Variants in TBC1D5 observed in about 807,000 individuals in gnomAD.
The protein encoded by TBC1D5 is TBC1 domain family member 5.
A neutral mutation model predicts 100.3 loss-of-function variants in TBC1D5; 75 were observed. The ratio of observed to expected loss-of-function variants is 0.75; its 90% confidence interval spans 0.62 to 0.91. The LOEUF (loss-of-function observed/expected upper bound fraction) is 0.91, where lower values mean the gene tolerates loss of function less well. Among genes scored for constraint, TBC1D5 ranks in the 40% least tolerant of loss-of-function variants. The pLI is 0.00. For synonymous variants in TBC1D5, 323 were observed against 325.6 expected, an observed-to-expected ratio of 0.99 and a Z score of 0.09; for missense variants, 910 against 942.4, an observed-to-expected ratio of 0.97 and a Z score of 0.45.
At chr3:17,718,033 G>GT (rs2075379014) in intron 1 of TBC1D5, among the ~76,000 whole-genome samples, 1 of 152,020 alleles carries the variant, frequency 6.6e-6, no homozygotes, top group South Asian at 2.1e-4. Context: ...ACTGAAGTAC[G>GT]AAGTCAATAA....
intron 3 of TBC1D5, among the ~76,000 whole-genome samples, chr3:17,476,865 C>T (rs1242336544): frequency 6.6e-6 from 1 of 151,914 alleles, no homozygotes; most frequent in Non-Finnish European, 1.5e-5. Flanking sequence ...GTTATAAATG[C>T]TGTATCTTTA....
intron 15 of TBC1D5, among the ~76,000 whole-genome samples, chr3:17,291,148 T>C (rs914774079): frequency 6.6e-6 from 1 of 152,256 alleles, no homozygotes. Flanking sequence ...TACCATCCAA[T>C]GCCTGGCATT....
intron 19 of TBC1D5, among the ~76,000 whole-genome samples, chr3:17,169,472 A>C (rs1358961865): frequency 6.6e-6 from 1 of 152,230 alleles, no homozygotes; most frequent in Non-Finnish European, 1.5e-5. Flanking sequence ...AATAAGAATA[A>C]ATTCATAAAC....
chr3:17,664,611 G>A (rs1045382707), intron 1 of TBC1D5, among the ~76,000 whole-genome samples: 3 of 152,112 alleles, frequency 2.0e-5, no homozygotes, highest in African/African-American at 7.2e-5. Flanking sequence ...AGAGCGAGAC[G>A]AAGAGGACAA....
At chr3:17,296,474 A>G (rs2082269711) in intron 14 of TBC1D5, among the ~76,000 whole-genome samples, 1 of 152,224 alleles carries the variant, frequency 6.6e-6, no homozygotes, top group Admixed American at 6.5e-5. Context: ...TGACTTTCCT[A>G]AGTACAAATG....
At chr3:17,210,344 T>A (rs898156629) in intron 18 of TBC1D5, among the ~76,000 whole-genome samples, 1 of 151,850 alleles carries the variant, frequency 6.6e-6, no homozygotes, top group African/African-American at 2.4e-5. Context: ...CCCGCCACCA[T>A]GCCTGGCTAA....
chr3:17,454,362 T>C (rs1011626799), intron 3 of TBC1D5, among the ~76,000 whole-genome samples: 1 of 152,170 alleles, frequency 6.6e-6, no homozygotes, highest in African/African-American at 2.4e-5. Flanking sequence ...GATCTTATAT[T>C]TGGAAAAACG....
intron 19 of TBC1D5, chr3:17,184,572 G>C (rs1419178551): frequency 6.6e-6 from 1 of 151,912 alleles, no homozygotes; most frequent in Non-Finnish European, 1.5e-5. Context: ...CTGTCACCCA[G>C]GCTGGAATAT....
chr3:17,225,873 A>G (rs547867352), intron 17 of TBC1D5, among the ~76,000 whole-genome samples: 1 of 152,228 alleles, frequency 6.6e-6, no homozygotes, highest in African/African-American at 2.4e-5. Flanking sequence ...CCAGTATAAC[A>G]TAGCATTTAC....
At chr3:17,184,013 G>A (rs1471210259) in intron 19 of TBC1D5, among the ~76,000 whole-genome samples, 1 of 152,170 alleles carries the variant, frequency 6.6e-6, no homozygotes, top group Non-Finnish European at 1.5e-5. Context: ...TTATTCATAA[G>A]TTACCAATCT....
intron 1 of TBC1D5, among the ~76,000 whole-genome samples, chr3:17,673,698 T>C (rs1457137537): frequency 6.6e-6 from 1 of 152,176 alleles, no homozygotes. Flanking sequence ...ACAATATTCT[T>C]ACCTGAAACG....
intron 4 of TBC1D5, among the ~76,000 whole-genome samples, chr3:17,426,624 T>C (rs938629821): frequency 2.0e-5 from 3 of 152,074 alleles, no homozygotes; most frequent in Non-Finnish European, 4.4e-5. Context: ...AATATTTAGT[T>C]AACAACGTAA....
rs528733147 is a variant in TBC1D5, at chr3:17,555,155, T to C, written c.-35-46550A>G. On this transcript the variant is annotated intron_variant, in intron 2 of 21. Coordinates refer to ENST00000253692, the Ensembl canonical transcript of TBC1D5. ...TGAGCCATTGCGCCAGGCCTTGTGCTTTTTTTTTTCTAATGCAAGTTGACA... is the reference window on the plus strand; with the variant it reads ...TGAGCCATTGCGCCAGGCCTTGTGCCTTTTTTTTTCTAATGCAAGTTGACA... Among the ~76,000 whole-genome samples, 462 of 150,066 alleles carry C rather than the reference T, an allele frequency of 3.1e-3. 4 individuals carry two copies. The highest frequency in any genetic ancestry group is 0.011 in the African/African-American group (438 of 40,998).
rs1429075227 is a variant in TBC1D5 at position 17,430,558 on chromosome 3, AG to A, written c.98-2040del. Among the ~76,000 whole-genome samples, 7 of 152,028 alleles carry A rather than the reference AG, an allele frequency of 4.6e-5. No homozygotes were observed. The East Asian group carries it at 1.3e-3, about 29-fold the overall frequency. On this transcript the variant is annotated intron_variant, in intron 3 of 21. Transcript: ENST00000253692. ...TTCTTTCTCAAAAACATAGCAAATA[AG>A]GAGTACAATTGTTTCACTAACAATA...
rs540231369 is a variant in TBC1D5 at position 17,362,196 on chromosome 3, CATA to C, written c.995+9876_995+9878del. Among the ~76,000 whole-genome samples the C allele has an allele frequency of 1.4e-3, 217 of 152,216 alleles. 1 individual carries two copies. The highest frequency in any genetic ancestry group is 4.9e-3 in the African/African-American group (202 of 41,542). On this transcript the variant is annotated intron_variant, in intron 13 of 21. Transcript: ENST00000253692. ...ATATATAAAGCTATGAAACACAAAA[CATA>C]ATGTGTATGACTTGGATTGGGCAGA... is the stretch of plus-strand genomic sequence containing the variant.
intron 13 of TBC1D5, among the ~76,000 whole-genome samples, chr3:17,369,713 C>G (rs1054990872): frequency 1.3e-5 from 2 of 152,106 alleles, no homozygotes; most frequent in African/African-American, 2.4e-5. Context: ...ATGGGTAGTA[C>G]AGATGGTAGT....
At chr3:17,284,436 G>A (rs572721751) in intron 15 of TBC1D5, among the ~76,000 whole-genome samples, 66 of 152,138 alleles carry the variant, frequency 4.3e-4, no homozygotes, top group Non-Finnish European at 8.1e-4. Context: ...CCCTATTTGC[G>A]CCCTTTATAA....
chr3:17,347,536 A>T (rs534953032), intron 13 of TBC1D5, among the ~76,000 whole-genome samples: 1 of 151,900 alleles, frequency 6.6e-6, no homozygotes, highest in African/African-American at 2.4e-5. Flanking sequence ...ATAAGCCTAA[A>T]TTTTTTTTCT....
chr3:17,200,923 T>C (rs1188108010), intron 18 of TBC1D5, among the ~76,000 whole-genome samples: 1 of 152,198 alleles, frequency 6.6e-6, no homozygotes, highest in Non-Finnish European at 1.5e-5. Flanking sequence ...ATGATAAACA[T>C]GTGTATTAAG....
Sources: allele counts gnomAD v4.1 joint callset (sites outside exome capture counted in the v4.1 genomes callset), GRCh38; gene constraint gnomAD v4.1.1; transcripts MANE v1.5; gene names NCBI Gene and HGNC (gene_info 2026-07-23, HGNC 2026-07-21).